The following ARHGAP6 variants were observed in gnomAD, a reference collection of about 807,000 sequenced individuals.
ARHGAP6 encodes Rho GTPase activating protein 6.
ARHGAP6 carries 16 observed loss-of-function variants against 55.7 expected under a neutral mutation model. That is an observed-to-expected ratio of 0.29 (90% CI 0.19 to 0.44). The LOEUF (loss-of-function observed/expected upper bound fraction) is 0.44. ARHGAP6 is among the 20% of genes least tolerant of loss of function. The probability of loss-of-function intolerance (pLI) is 1.00; values close to 1 mark genes in which losing one functional copy is unlikely to be tolerated. For synonymous variants in ARHGAP6, 382 were observed against 360.9 expected, an observed-to-expected ratio of 1.06 and a Z score of -0.66; for missense variants, 698 against 808.9, an observed-to-expected ratio of 0.86 and a Z score of 1.66.
At chrX:11,285,187 A>G (rs1423073809) in intron 1 of ARHGAP6, among the ~76,000 whole-genome samples, 17 of 103,606 alleles carry the variant, frequency 1.6e-4, no homozygotes, top group Non-Finnish European at 3.0e-4. Flanking sequence ...TTTTCCAAAC[A>G]TTTTGCTCTT....
intron 9 of ARHGAP6, among the ~76,000 whole-genome samples, chrX:11,161,190 A>C (rs2045938230): frequency 8.9e-6 from 1 of 112,221 alleles, no homozygotes; most frequent in Non-Finnish European, 1.9e-5. Flanking sequence ...AATTCTTCTA[A>C]TCTTTGGCTA....
At chrX:11,448,608 C>T (rs2050116020) in intron 1 of ARHGAP6, among the ~76,000 whole-genome samples, 1 of 111,647 alleles carries the variant, frequency 9.0e-6, no homozygotes, top group Admixed American at 9.5e-5. Context: ...TTTCTGGGAA[C>T]TATTCCTCCA....
At chrX:11,375,517 G>A (rs956150016) in intron 1 of ARHGAP6, among the ~76,000 whole-genome samples, 3 of 111,419 alleles carry the variant, frequency 2.7e-5, no homozygotes, top group East Asian at 2.8e-4. Flanking sequence ...CTATATTTAC[G>A]CATGTGTAAT....
At chrX:11,453,289 A>G (rs2050163218) in intron 1 of ARHGAP6, among the ~76,000 whole-genome samples, 2 of 97,425 alleles carry the variant, frequency 2.1e-5, no homozygotes, top group South Asian at 8.7e-4. Flanking sequence ...TACTATATAT[A>G]TACATAATAT....
intron 1 of ARHGAP6, among the ~76,000 whole-genome samples, chrX:11,468,308 T>C (rs139371384): frequency 8.9e-6 from 1 of 112,461 alleles, no homozygotes; most frequent in East Asian, 2.8e-4. Flanking sequence ...CAAAGGTAGA[T>C]TAAGCATAGC....
chrX:11,327,373 T>C (rs2048511632), intron 1 of ARHGAP6, among the ~76,000 whole-genome samples: 2 of 112,872 alleles, frequency 1.8e-5, no homozygotes, highest in African/African-American at 6.4e-5. Context: ...ATATTCGTCA[T>C]TCACTTTTTA....
chrX:11,543,275 G>A (rs2051178467), intron 1 of ARHGAP6, among the ~76,000 whole-genome samples: 1 of 112,810 alleles, frequency 8.9e-6, no homozygotes, highest in Non-Finnish European at 1.9e-5. Context: ...TCTCTTCTGA[G>A]TCTTAGAATG....
At position 11,568,756 on chromosome X, in the gene ARHGAP6, C is replaced by CA. The variant is rs779282032; in HGVS notation, c.588+95484dup. ...TGGGCGACAAAGTGAGATACTATCT[C>CA]AAAAAAAAAAAAAAAAAAGTAGTTC... On this transcript the variant is annotated intron_variant, in intron 1 of 12. Coordinates refer to ENST00000337414, the MANE Select transcript of ARHGAP6 (RefSeq NM_013427.3). Among the ~76,000 whole-genome samples, 459 of 54,439 alleles carry CA rather than the reference C, an allele frequency of 8.4e-3. 3 individuals are homozygous for CA. The highest frequency in any genetic ancestry group is 0.016 in the East Asian group (29 of 1,860). The allele number at this position is 54,439 out of a possible 115,157, so 47.3% of individuals were successfully genotyped here.
chrX:11,458,550 T>C (rs941677709), intron 1 of ARHGAP6, among the ~76,000 whole-genome samples: 3 of 112,634 alleles, frequency 2.7e-5, no homozygotes, highest in African/African-American at 6.4e-5. Context: ...AAACTGTGTA[T>C]ATTGTGACAA....
At chrX:11,424,727 G>T (rs901474256) in intron 1 of ARHGAP6, among the ~76,000 whole-genome samples, 10 of 112,283 alleles carry the variant, frequency 8.9e-5, no homozygotes, top group African/African-American at 2.9e-4. Context: ...AGGCATCAAG[G>T]ACAACACCCA....
intron 1 of ARHGAP6, among the ~76,000 whole-genome samples, chrX:11,372,771 C>CAAAAAAAAAAAA (rs1171647934): frequency 4.2e-4 from 6 of 14,342 alleles, no homozygotes; most frequent in African/African-American, 1.7e-3. Context: ...GACTCCATCT[C>CAAAAAAAAAAAA]AAAAAAAAAA....
intron 1 of ARHGAP6, among the ~76,000 whole-genome samples, chrX:11,274,140 G>C (rs2047726846): frequency 9.0e-6 from 1 of 111,260 alleles, no homozygotes; most frequent in Non-Finnish European, 1.9e-5. Context: ...CAAAATAACT[G>C]TATGAGGTGG....
At chrX:11,590,404 A>G (rs2051790728) in intron 1 of ARHGAP6, among the ~76,000 whole-genome samples, 1 of 111,317 alleles carries the variant, frequency 9.0e-6, no homozygotes, top group African/African-American at 3.3e-5. Flanking sequence ...ATGTATTTCC[A>G]GTATCAAACA....
intron 1 of ARHGAP6, chrX:11,296,878 G>C: frequency 8.6e-7 from 1 of 1,163,098 alleles, no homozygotes. Context: ...ACAATGCCCT[G>C]GGCTCTGTAA....
rs780264256 is a variant in ARHGAP6, at chrX:11,138,878, G to C, written c.2910C>G (p.Pro970=). ...GGGTGCGGGCTCAGACCAGCGTCTC[G>C]GGCAGGGCATCGGGGTTGTCGGTCG... The part of the protein sequence containing the change: ...LLSTDNPDAL[P]ETLV Residue 970 remains proline, a synonymous_variant, in exon 13 of 13, where the codon CCC becomes CCG. Transcript: ENST00000337414. 2 of 1,183,634 alleles carry C rather than the reference G, an allele frequency of 1.7e-6. No individual in the cohort carries two copies. The highest frequency in any genetic ancestry group is 1.8e-5 in the South Asian group (1 of 54,641).
At chrX:11,372,376 T>C (rs944113489) in intron 1 of ARHGAP6, among the ~76,000 whole-genome samples, 2 of 112,359 alleles carry the variant, frequency 1.8e-5, no homozygotes, top group East Asian at 5.5e-4. Context: ...ATTAAATATA[T>C]ACCAAGTGAA....
At position 11,571,262 on chromosome X, in the gene ARHGAP6, C is replaced by G. The variant is rs148544489; in HGVS notation, c.588+92979G>C. ...ATTCTTTTGGGGTTAATGTCCACCA[C>G]TGATTTTCATAGAGGGGTCACCTGA... is the stretch of plus-strand genomic sequence containing the variant. On this transcript the variant is annotated intron_variant, in intron 1 of 12. Transcript: ENST00000337414. Among the ~76,000 whole-genome samples, 709 of 111,675 alleles carry G rather than the reference C, an allele frequency of 6.3e-3. 5 individuals are homozygous for G. Among genetic ancestry groups the G allele is most frequent in the African/African-American group, 0.021 (660 of 30,748 alleles).
At chrX:11,586,398 A>C (rs2051734803) in intron 1 of ARHGAP6, among the ~76,000 whole-genome samples, 1 of 111,978 alleles carries the variant, frequency 8.9e-6, no homozygotes, top group African/African-American at 3.3e-5. Flanking sequence ...ATGGCTAGCC[A>C]GTTATCCTAG....
Position 11,206,979 on chromosome X carries a change from TA to T in ARHGAP6, c.749-9984del, listed in dbSNP as rs1248621384. On this transcript the variant is annotated intron_variant, in intron 2 of 12. Transcript: ENST00000337414. The stretch of plus-strand genomic sequence containing the variant: ...CATTTAATTAAACAGTCCTGAAAAA[TA>T]CCTTCTTTCTTGACTTTATACTCAG... Among the ~76,000 whole-genome samples the T allele has an allele frequency of 4.5e-5, 5 of 111,618 alleles. No homozygotes were observed. The Admixed American group carries it at 4.8e-4, about 11-fold the overall frequency.
Sources: gnomAD v4.1 joint callset for allele counts (sites outside exome capture counted in the v4.1 genomes callset) on GRCh38, gnomAD v4.1.1 for gene constraint, MANE v1.5 for transcripts, NCBI Gene and HGNC (gene_info 2026-07-23, HGNC 2026-07-21) for gene names.